ABLIM2: variants seen among roughly 807,000 people sequenced by gnomAD.
ABLIM2 encodes actin-binding LIM protein 2.
In ABLIM2, 53 loss-of-function variants were observed where a neutral mutation model predicts 97.7. The ratio of observed to expected loss-of-function variants is 0.54; its 90% CI spans 0.44 to 0.68. The LOEUF is 0.68. Ranked by LOEUF, ABLIM2 falls within the 30% of genes least tolerant of loss-of-function variation. The pLI is 0.00. For missense variants in ABLIM2, 835 were observed against 867.2 expected (o/e 0.96, Z 0.47); for synonymous variants, 361 against 345.8 (o/e 1.04, Z -0.49).
intron 5 of ABLIM2, among the ~76,000 whole-genome samples, chr4:8,078,494 C>G (rs998425293): frequency 6.6e-6 from 1 of 152,232 alleles, no homozygotes; most frequent in African/African-American, 2.4e-5. Flanking sequence ...CGGGGTCATC[C>G]CTGGCACAGC....
At chr4:8,036,650 GC>G (rs1205267189) in intron 9 of ABLIM2, among the ~76,000 whole-genome samples, 4 of 152,248 alleles carry the variant, frequency 2.6e-5, no homozygotes, top group African/African-American at 9.6e-5. Flanking sequence ...AGTAGGCCTT[GC>G]GGAAGTGTCT....
intron 3 of ABLIM2, among the ~76,000 whole-genome samples, chr4:8,089,853 G>T: frequency 6.6e-6 from 1 of 151,992 alleles, no homozygotes; most frequent in East Asian, 1.9e-4. Flanking sequence ...ATAAGTGAAG[G>T]ACTGAAGCTC....
rs765656360 is a variant in ABLIM2, at chr4:7,984,900, G to A, written c.1681-7C>T. 6.2e-7 allele frequency: 1 copy of A among 1,608,608 alleles called. No homozygotes were observed. The highest frequency in any genetic ancestry group is 8.5e-7 in the Non-Finnish European group (1 of 1,177,848). On this transcript the variant is annotated splice_region_variant and splice_polypyrimidine_tract_variant and intron_variant, in intron 17 of 20. Coordinates refer to ENST00000447017, the MANE Select transcript of ABLIM2 (RefSeq NM_001130083.2). ...AGGGGGCCAGATTGGCATTCTGGAA[G>A]AGAAAGAGAGGTTGGGCGGCAAGAG...
intron 16 of ABLIM2, among the ~76,000 whole-genome samples, chr4:8,000,750 C>A (rs1017065085): frequency 6.6e-6 from 1 of 152,092 alleles, no homozygotes; most frequent in Non-Finnish European, 1.5e-5. Flanking sequence ...GCACGGATGG[C>A]GAGGCTGCTG....
At chr4:8,051,930 A>C (rs73074039) in intron 8 of ABLIM2, among the ~76,000 whole-genome samples, 1 of 152,076 alleles carries the variant, frequency 6.6e-6, no homozygotes, top group African/African-American at 2.4e-5. Context: ...AGACACTGCC[A>C]CCTCGAGCCC....
At chr4:8,064,714 A>G (rs1805862806) in intron 6 of ABLIM2, among the ~76,000 whole-genome samples, 1 of 152,098 alleles carries the variant, frequency 6.6e-6, no homozygotes, top group African/African-American at 2.4e-5. Context: ...CAGGTTTAGG[A>G]TGTTCAAAAC....
intron 6 of ABLIM2, chr4:8,066,947 C>T (rs2152268531): frequency 6.6e-6 from 1 of 152,356 alleles, no homozygotes; most frequent in African/African-American, 2.4e-5. Flanking sequence ...AAATGGCCAA[C>T]TTTTGAATGA....
chr4:8,071,719 C>A lies in ABLIM2; in HGVS notation c.675+5909G>T. ...CCCACCCACCCGCAGCCCCTCCTGG[C>A]CCCTGTGAGCCCCCATCAGCCCCTT... On this transcript the variant is annotated intron_variant, in intron 6 of 20. Coordinates refer to ENST00000447017, the MANE Select transcript of ABLIM2 (RefSeq NM_001130083.2). The surrounding 1 kb of genome is among the most constrained non-coding windows in gnomAD (Gnocchi z 6.2). 1 of 651,754 alleles carries A rather than the reference C, an allele frequency of 1.5e-6. No individual in the cohort carries two copies. The highest frequency in any genetic ancestry group is 2.0e-5 in the African/African-American group (1 of 50,660). The allele number at this position is 651,754 out of a possible 1,614,324, so 40.4% of individuals were successfully genotyped here.
intron 1 of ABLIM2, 148 bp from the exon 2 acceptor site, chr4:8,106,785 T>A: frequency 1.0e-6 from 1 of 988,662 alleles, no homozygotes; most frequent in Non-Finnish European, 1.4e-6. Context: ...GGGGTCGGTC[T>A]GTTGTCTCCT....
rs1438125593 is a variant in ABLIM2, at chr4:8,001,290, G to A, written c.1618+6769C>T. Among the ~76,000 whole-genome samples the A allele has an allele frequency of 6.6e-6, 1 of 152,180 alleles. No homozygotes were observed. Among genetic ancestry groups the A allele is most frequent in the East Asian group, 1.9e-4 (1 of 5,186 alleles). Reference sequence around the variant, plus strand: ...ACAACATGAGCTCTCAGAGGGACACGGGGTGCCACCCAGGGCCTGTGCTGC... The same window carrying A: ...ACAACATGAGCTCTCAGAGGGACACAGGGTGCCACCCAGGGCCTGTGCTGC... On this transcript the variant is annotated intron_variant, in intron 16 of 20. Coordinates refer to ENST00000447017, the MANE Select transcript of ABLIM2 (RefSeq NM_001130083.2). This position sits in a 1 kb window ranked among gnomAD's most constrained non-coding sequence, Gnocchi z 4.2.
At chr4:8,105,139 G>A (rs966921576) in intron 2 of ABLIM2, among the ~76,000 whole-genome samples, 7 of 152,108 alleles carry the variant, frequency 4.6e-5, no homozygotes, top group East Asian at 1.9e-4. Context: ...TGCTGGCGTC[G>A]GGAGGATTCC....
intron 5 of ABLIM2, among the ~76,000 whole-genome samples, chr4:8,079,691 G>A (rs536275265): frequency 2.6e-5 from 4 of 152,226 alleles, no homozygotes; most frequent in East Asian, 3.9e-4. Context: ...AAGTCAACAC[G>A]GGCACATCCA....
At chr4:8,102,112 T>C (rs931636885) in intron 2 of ABLIM2, among the ~76,000 whole-genome samples, 1 of 152,260 alleles carries the variant, frequency 6.6e-6, no homozygotes, top group African/African-American at 2.4e-5. Flanking sequence ...TCCTTGCTAG[T>C]GTCAAAGCCA....
At chr4:8,045,429 T>G (rs1039878192) in intron 8 of ABLIM2, among the ~76,000 whole-genome samples, 188 bp from the exon 9 acceptor site, 5 of 152,164 alleles carry the variant, frequency 3.3e-5, no homozygotes, top group African/African-American at 9.7e-5. Context: ...GGTGGGCGGA[T>G]CACGAGGTCA....
intron 10 of ABLIM2, among the ~76,000 whole-genome samples, chr4:8,035,320 C>T (rs963659084): frequency 6.6e-6 from 1 of 152,148 alleles, no homozygotes; most frequent in South Asian, 2.1e-4. Flanking sequence ...TTTCTCGCCC[C>T]ACACCATCCG....
In ABLIM2 at chr4:8,108,585, C is replaced by T. The variant is rs557615985; in HGVS notation, c.11-1948G>A. Among the ~76,000 whole-genome samples, 14 of 152,340 alleles carry T rather than the reference C, an allele frequency of 9.2e-5. No homozygotes were observed. The East Asian group carries it at 1.2e-3, about 13-fold the overall frequency. On this transcript the variant is annotated intron_variant, in intron 1 of 20. Transcript: ENST00000447017. ...CAGGACTTGACTCACAACTGATAGC[C>T]GTCCTAATTCGTGCCCCCGCTTTCC... is the stretch of plus-strand genomic sequence containing the variant.
intron 3 of ABLIM2, among the ~76,000 whole-genome samples, chr4:8,096,565 G>C (rs1361314938): frequency 6.6e-6 from 1 of 152,240 alleles, no homozygotes; most frequent in Non-Finnish European, 1.5e-5. Context: ...TAACCACAGG[G>C]AACTGCTTTG....
intron 7 of ABLIM2, among the ~76,000 whole-genome samples, chr4:8,060,246 A>G (rs73074071): frequency 0.033 from 4,956 of 152,234 alleles, 288 homozygotes; most frequent in African/African-American, 0.11. Flanking sequence ...ATGAGAAGCT[A>G]TGAGCTAAAA....
At chr4:8,121,667 G>C (rs1845530318) in intron 1 of ABLIM2, among the ~76,000 whole-genome samples, 2 of 152,224 alleles carry the variant, frequency 1.3e-5, no homozygotes, top group Admixed American at 1.3e-4. Context: ...CCTTGAGCCA[G>C]AGTGGCCACG....
Sources: gnomAD v4.1 joint callset for allele counts (sites outside exome capture counted in the v4.1 genomes callset) on GRCh38, gnomAD v4.1.1 for gene constraint, Gnocchi (gnomAD v3.1) non-coding constraint, MANE v1.5 for transcripts, NCBI Gene and HGNC (gene_info 2026-07-23, HGNC 2026-07-21) for gene names.